GRAMD4: variants seen among roughly 807,000 people sequenced by gnomAD.
The protein encoded by GRAMD4 is GRAM domain-containing protein 4.
In GRAMD4, 25 loss-of-function variants were observed where a neutral mutation model predicts 83.9. That is an observed-to-expected ratio of 0.30 (90% CI 0.22 to 0.42). GRAMD4 has a LOEUF of 0.42. Ranked by LOEUF, GRAMD4 falls within the 10% of genes least tolerant of loss-of-function variation. The probability of loss-of-function intolerance (pLI) is 1.00; values close to 1 mark genes in which losing one functional copy is unlikely to be tolerated. For synonymous variants in GRAMD4, 336 were observed against 320.9 expected (o/e 1.05, Z -0.50); for missense variants, 593 against 788.7 (o/e 0.75, Z 2.97).
At chr22:46,626,708 T>A (rs932874469) in intron 1 of GRAMD4, 43 bp from the exon 2 acceptor site, 4 of 1,311,472 alleles carry the variant, frequency 3.1e-6, no homozygotes, top group Non-Finnish European at 4.3e-6. Context: ...TCGTGGGGCT[T>A]GGAGGTGGCG....
intron 1 of GRAMD4, among the ~76,000 whole-genome samples, chr22:46,577,542 C>G (rs1480688275): frequency 6.7e-6 from 1 of 150,228 alleles, no homozygotes; most frequent in Non-Finnish European, 1.5e-5. Context: ...GTTCTGCCCG[C>G]CGGCTGGGGG....
chr22:46,616,020 G>C (rs563050180), upstream of GRAMD4, among the ~76,000 whole-genome samples: 1 of 93,138 alleles, frequency 1.1e-5, no homozygotes, highest in Non-Finnish European at 2.1e-5. Flanking sequence ...TCTGCTGTGC[G>C]TGTTGGTTCC....
At chr22:46,617,503 G>C (rs1253285251), upstream of GRAMD4, among the ~76,000 whole-genome samples, 1 of 150,544 alleles carries the variant, frequency 6.6e-6, no homozygotes, top group Non-Finnish European at 1.5e-5. Context: ...GTTTCCCCGT[G>C]TGTAGGTTCC....
rs145353196 is a variant in GRAMD4 at position 46,657,162 on chromosome 22, G to A, written c.284-1025G>A. Among the ~76,000 whole-genome samples the A allele has an allele frequency of 1.5e-3, 230 of 152,380 alleles. 1 individual carries two copies. The highest frequency in any genetic ancestry group is 5.2e-3 in the African/African-American group (218 of 41,592). On this transcript the variant is annotated intron_variant, in intron 3 of 18. Coordinates refer to ENST00000406902, the MANE Select transcript of GRAMD4 (RefSeq NM_015124.5). ...GGACACCACACAGAGGAGGGTGGAT[G>A]GGCTGGGGTGGGGAGCGCCTGGGCA...
intron 10 of GRAMD4, among the ~76,000 whole-genome samples, chr22:46,667,487 C>T (rs143065195): frequency 5.9e-5 from 9 of 152,250 alleles, no homozygotes; most frequent in Non-Finnish European, 1.2e-4. Flanking sequence ...CGACAGACCA[C>T]GTGGCCATGG....
intron 1 of GRAMD4, among the ~76,000 whole-genome samples, chr22:46,590,459 C>T (rs968895843): frequency 6.6e-6 from 1 of 152,196 alleles, no homozygotes; most frequent in Non-Finnish European, 1.5e-5. Flanking sequence ...TGGCCAGGAG[C>T]GCGTCCCAAG....
At chr22:46,598,709 G>C (rs1158677274) in intron 1 of GRAMD4, among the ~76,000 whole-genome samples, 2 of 151,176 alleles carry the variant, frequency 1.3e-5, no homozygotes, top group East Asian at 4.0e-4. Flanking sequence ...GTGCAGCTCC[G>C]AGCTCCTTGA....
intron 1 of GRAMD4, among the ~76,000 whole-genome samples, chr22:46,599,412 G>T (rs926555705): frequency 6.6e-6 from 1 of 150,454 alleles, no homozygotes; most frequent in Admixed American, 6.7e-5. Context: ...TCTACCTCCC[G>T]GGTTCAAGTG....
intron 2 of GRAMD4, 152 bp downstream of exon 2, chr22:46,627,113 C>T: frequency 1.6e-6 from 1 of 608,560 alleles, no homozygotes; most frequent in South Asian, 2.0e-5. Context: ...GCTCCCGACC[C>T]CTGCAGACCT....
rs528464238 is a variant in GRAMD4 at position 46,589,589 on chromosome 22, G to T, written c.-50+12299G>T. 9.2e-5 allele frequency among the ~76,000 whole-genome samples: 14 copies of T among 152,212 alleles called. 1 individual carries two copies. The highest frequency in any genetic ancestry group is 1.9e-4 in the Non-Finnish European group (13 of 67,974). ...CAGTGACCCTGGAAGGGCCCATGCT[G>T]CCCCTGCTTTGCAGGTGAGTAAGCG... On this transcript the variant is annotated intron_variant, in intron 1 of 1. Coordinates refer to the GRAMD4 transcript ENST00000431155.
chr22:46,613,504 C>T (rs759355520), intron 1 of GRAMD4, among the ~76,000 whole-genome samples: 25 of 152,252 alleles, frequency 1.6e-4, no homozygotes, highest in Admixed American at 2.6e-4. Context: ...GAGCTGCTGT[C>T]GCTGTGGTAT....
intron 2 of GRAMD4, among the ~76,000 whole-genome samples, chr22:46,627,450 C>A (rs1040802280): frequency 8.5e-5 from 13 of 152,370 alleles, no homozygotes; most frequent in Admixed American, 6.5e-4. Flanking sequence ...ACAGCAAATA[C>A]CCACGGAGCA....
intron 17 of GRAMD4, among the ~76,000 whole-genome samples, chr22:46,676,167 C>T (rs965263305): frequency 3.0e-4 from 46 of 152,186 alleles, no homozygotes; most frequent in Non-Finnish European, 6.6e-4. Context: ...GGTCATCTCT[C>T]CCACCCGGCT....
At chr22:46,658,335 C>A in intron 4 of GRAMD4, 28 bp downstream of exon 4, 1 of 1,558,972 alleles carries the variant, frequency 6.4e-7, no homozygotes, top group Non-Finnish European at 8.7e-7. Context: ...GGGCCCTGGC[C>A]TGTGTGCGGC....
chr22:46,597,453 T>G (rs906661588), intron 1 of GRAMD4, among the ~76,000 whole-genome samples: 1 of 152,126 alleles, frequency 6.6e-6, no homozygotes, highest in Non-Finnish European at 1.5e-5. Context: ...AAGTTTCAGG[T>G]GATTTTCTGG....
intron 1 of GRAMD4, among the ~76,000 whole-genome samples, chr22:46,586,824 TGAG>T (rs2081155552): frequency 6.6e-6 from 1 of 151,570 alleles, no homozygotes; most frequent in Non-Finnish European, 1.5e-5. Flanking sequence ...CTGCAGCTGA[TGAG>T]GAGGGAGCTG....
intron 3 of GRAMD4, among the ~76,000 whole-genome samples, chr22:46,648,879 G>C (rs1026963970): frequency 2.1e-5 from 2 of 94,072 alleles, no homozygotes; most frequent in African/African-American, 4.4e-5. Flanking sequence ...TGGATGGATG[G>C]ATGGATGGAT....
upstream of GRAMD4, among the ~76,000 whole-genome samples, chr22:46,619,143 G>A (rs911919224): frequency 1.3e-5 from 2 of 152,216 alleles, no homozygotes; most frequent in African/African-American, 4.8e-5. Context: ...GTCATCAGTT[G>A]TGAGCCGACC....
At chr22:46,616,699 TGC>T (rs1426144521), upstream of GRAMD4, among the ~76,000 whole-genome samples, 13 of 93,356 alleles carry the variant, frequency 1.4e-4, no homozygotes, top group African/African-American at 2.8e-4. Context: ...GGTTCCCCTG[TGC>T]GTGTAGGTTC....
Sources: gnomAD v4.1 joint callset for allele counts (sites outside exome capture counted in the v4.1 genomes callset) on GRCh38, gnomAD v4.1.1 for gene constraint, MANE v1.5 for transcripts, NCBI Gene and HGNC (gene_info 2026-07-23, HGNC 2026-07-21) for gene names.